COL15A1: variants seen among roughly 807,000 people sequenced by gnomAD.
The protein encoded by COL15A1 is collagen type XV alpha 1 chain.
In COL15A1, 111 loss-of-function variants were observed where a neutral mutation model predicts 165.9. The observed-to-expected ratio is 0.67, with a 90% CI of 0.57 to 0.78. The LOEUF (loss-of-function observed/expected upper bound fraction) is 0.78. Among genes scored for constraint, COL15A1 ranks in the 30% least tolerant of loss-of-function variants. The pLI, the probability that COL15A1 is intolerant of heterozygous loss-of-function variation, is 0.00. For synonymous variants in COL15A1, 659 were observed against 674.8 expected, an observed-to-expected ratio of 0.98 and a Z score of 0.36; for missense variants, 1,745 against 1,789.7, an observed-to-expected ratio of 0.98 and a Z score of 0.45.
intron 16 of COL15A1, among the ~76,000 whole-genome samples, chr9:99,027,679 G>A (rs1839149418): frequency 6.6e-6 from 1 of 152,156 alleles, no homozygotes; most frequent in Admixed American, 6.5e-5. Context: ...GGAGCAGCAG[G>A]CTTGCCTAGG....
Position 99,035,019 on chromosome 9 carries a change from C to G in COL15A1, c.2085C>G (p.Asp695Glu). 1 of 1,613,044 alleles carries G rather than the reference C, an allele frequency of 6.2e-7. No individual in the cohort carries two copies. Among genetic ancestry groups the G allele is most frequent in the Middle Eastern group, 1.7e-4 (1 of 6,060 alleles). The change falls in exon 18 of 42, where the codon GAC becomes GAG. Residue 695 changes from aspartate (D) to glutamate (E), a missense_variant. Transcript: ENST00000375001. ...GPNGSVGEKGDPGNRGLPGPP... is the reference protein window; with the variant it reads ...GPNGSVGEKGEPGNRGLPGPP... ...GCCTGCCCTCTTTCCTACAGGGTGA[C>G]CCTGGCAACAGAGGCTTACCTGGAC... is the stretch of plus-strand genomic sequence containing the variant.
chr9:99,017,992 G>A (rs964706298), intron 11 of COL15A1, among the ~76,000 whole-genome samples: 1 of 152,016 alleles, frequency 6.6e-6, no homozygotes, highest in Non-Finnish European at 1.5e-5. Flanking sequence ...GGAGAGAAGG[G>A]GAATACTGGA....
chr9:99,004,088 G>A (rs992121412), intron 8 of COL15A1, among the ~76,000 whole-genome samples: 10 of 152,188 alleles, frequency 6.6e-5, no homozygotes, highest in African/African-American at 1.9e-4. Context: ...GGGGTCAAGC[G>A]TGAGCCAGGG....
chr9:99,036,505 C>G, intron 21 of COL15A1, 109 bp downstream of exon 21: 3 of 1,128,912 alleles, frequency 2.7e-6, no homozygotes, highest in Non-Finnish European at 3.8e-6. Flanking sequence ...AGGCATGTAG[C>G]CAGTGCCTGG....
intron 9 of COL15A1, among the ~76,000 whole-genome samples, chr9:99,010,487 G>A (rs925048593): frequency 3.5e-4 from 54 of 152,250 alleles, no homozygotes; most frequent in Non-Finnish European, 7.2e-4. Flanking sequence ...GAGAAGGGGA[G>A]TGGAAGAAGG....
At chr9:99,067,371 TATTCATTTTTTA>T (rs1198516108) in intron 40 of COL15A1, among the ~76,000 whole-genome samples, 2 of 152,186 alleles carry the variant, frequency 1.3e-5, no homozygotes, top group African/African-American at 4.8e-5. Flanking sequence ...ACATGAGAGT[TATTCATTTTTTA>T]GTTTGTCAGA....
rs188216015 is a variant in COL15A1 at position 99,060,912 on chromosome 9, C to A, written c.3402+959C>A. ...AAAAGAAAAAACAAAACAACAAAAG[C>A]CCAAGAGCATAAACAATGTTACAAC... On this transcript the variant is annotated intron_variant, in intron 36 of 41. Coordinates refer to ENST00000375001, the MANE Select transcript of COL15A1 (RefSeq NM_001855.5). Among the ~76,000 whole-genome samples, 682 of 152,202 alleles carry A rather than the reference C, an allele frequency of 4.5e-3. 6 individuals are homozygous for A. The highest frequency in any genetic ancestry group is 7.0e-3 in the Non-Finnish European group (475 of 68,012).
chr9:99,014,282 G>A (rs1326103728), intron 9 of COL15A1, among the ~76,000 whole-genome samples: 1 of 152,194 alleles, frequency 6.6e-6, no homozygotes, highest in Non-Finnish European at 1.5e-5. Context: ...CCTAGAAGCA[G>A]GAAAGAATTT....
In COL15A1 at chr9:99,069,727, T is replaced by G. The variant is rs746465926; in HGVS notation, c.4008T>G (p.Asp1336Glu). ...GSSPHGVRLVDNYCEAWRTAD... is the reference protein window; with the variant it reads ...GSSPHGVRLVENYCEAWRTAD... ...GCCCCCATGGCGTCCGCCTTGTGGA[T>G]AACTACTGTGAAGCATGGCGAACCG... The change falls in exon 42 of 42, where the codon GAT (aspartate) becomes GAG (glutamate). Residue 1336 changes from aspartate (D) to glutamate (E), a missense_variant. By Grantham distance (45) the Asp-to-Glu change is conservative. Coordinates refer to ENST00000375001, the MANE Select transcript of COL15A1 (RefSeq NM_001855.5). 67 of 1,613,958 alleles carry G rather than the reference T, an allele frequency of 4.2e-5. No homozygotes were observed. Among genetic ancestry groups the G allele is most frequent in the Non-Finnish European group, 5.7e-5 (67 of 1,179,904 alleles).
In COL15A1 at chr9:99,046,958, C is replaced by T. The variant is rs146624837; in HGVS notation, c.2680-828C>T. The stretch of plus-strand genomic sequence containing the variant: ...AGTTTTTGTTTGTCATTTTTCAGAG[C>T]ATGGCTATGTATGTTTATGGTAGGA... On this transcript the variant is annotated intron_variant, in intron 26 of 41. Transcript: ENST00000375001. 1.8e-4 allele frequency among the ~76,000 whole-genome samples: 27 copies of T among 152,294 alleles called. No individual in the cohort carries two copies. The East Asian group carries it at 4.8e-3, about 27-fold the overall frequency.
intron 2 of COL15A1, among the ~76,000 whole-genome samples, chr9:98,973,011 C>G (rs1352215469): frequency 6.6e-6 from 1 of 152,194 alleles, no homozygotes; most frequent in Non-Finnish European, 1.5e-5. Flanking sequence ...GAGAATGATC[C>G]CTGCGTTGCC....
chr9:99,029,946 A>G (rs1157224609), intron 16 of COL15A1, among the ~76,000 whole-genome samples: 2 of 151,920 alleles, frequency 1.3e-5, no homozygotes, highest in African/African-American at 2.4e-5. Context: ...AAAAAATCAT[A>G]TAGACCATAG....
intron 36 of COL15A1, among the ~76,000 whole-genome samples, chr9:99,060,252 A>AT (rs1267987537): frequency 2.6e-4 from 34 of 132,156 alleles, no homozygotes; most frequent in African/African-American, 1.1e-3. Context: ...ATATATATAT[A>AT]TATATTTTTT....
At position 99,040,504 on chromosome 9, in the gene COL15A1, T is replaced by C; in HGVS notation, c.2476-17T>C. The C allele has an allele frequency of 6.2e-7, 1 of 1,614,132 alleles. No individual in the cohort carries two copies. The highest frequency in any genetic ancestry group is 8.5e-7 in the Non-Finnish European group (1 of 1,180,034). ...GCCGCTCCTAATCCAGCGTGCTCTA[T>C]CTTTGGTGTGTCACAGGGGCCGGAC... On this transcript the variant is annotated splice_polypyrimidine_tract_variant and intron_variant, in intron 22 of 41. Transcript: ENST00000375001.
At chr9:99,022,017 C>T (rs878973796) in intron 12 of COL15A1, 74 bp from the exon 13 acceptor site, 16 of 1,586,772 alleles carry the variant, frequency 1.0e-5, no homozygotes, top group Admixed American at 3.3e-5. Context: ...AAGATGAGCA[C>T]GATTTCTACA....
Position 98,944,165 on chromosome 9 carries a change from G to A in COL15A1, c.15G>A (p.Arg5=). Residue 5 remains arginine (R), a synonymous_variant, in exon 2 of 42, where the codon AGG becomes AGA. Coordinates refer to ENST00000375001, the MANE Select transcript of COL15A1 (RefSeq NM_001855.5). ...CTCCCTCGGGCACATCTTGCAGGAGGAACAACGGGCAGTGCTGGTGTCTGC... is the reference window on the plus strand; with the variant it reads ...CTCCCTCGGGCACATCTTGCAGGAGAAACAACGGGCAGTGCTGGTGTCTGC... MAPR[R]NNGQCWCLLM... 6.2e-7 allele frequency: 1 copy of A among 1,614,104 alleles called. No individual in the cohort carries two copies. Among genetic ancestry groups the A allele is most frequent in the Non-Finnish European group, 8.5e-7 (1 of 1,179,996 alleles).
chr9:99,062,070 C>T lies in COL15A1; in HGVS notation c.3502C>T (p.Arg1168Cys), dbSNP rs138725463. ...YLRDSTEFFI[R>C]VRDGWKKLQL... Reference sequence around the variant, plus strand: ...GAGGGACAGCACTGAGTTTTTCATTCGTGTTAGAGATGGCTGGAAAAAATT... The same window carrying T: ...GAGGGACAGCACTGAGTTTTTCATTTGTGTTAGAGATGGCTGGAAAAAATT... The change falls in exon 37 of 42, where the codon CGT becomes TGT. Residue 1168 changes from arginine (R) to cysteine (C), a missense_variant. Coordinates refer to ENST00000375001, the MANE Select transcript of COL15A1 (RefSeq NM_001855.5). The T allele has an allele frequency of 8.2e-4, 1,322 of 1,614,028 alleles. No homozygotes were observed. The highest frequency in any genetic ancestry group is 1.1e-3 in the Non-Finnish European group (1,254 of 1,179,964).
intron 2 of COL15A1, among the ~76,000 whole-genome samples, chr9:98,958,959 T>C (rs958289161): frequency 1.3e-5 from 2 of 152,124 alleles, no homozygotes; most frequent in African/African-American, 2.4e-5. Flanking sequence ...GTGGTTCCAT[T>C]TGAGACTGTG....
At position 98,989,172 on chromosome 9, in the gene COL15A1, A is replaced by G. The variant is rs1208579683; in HGVS notation, c.724-6A>G. ...CCGGTGTGTGGCACAGTTTGTCTCCACACAGGCATCTGGAGAGACCAGTGG... is the reference window on the plus strand; with the variant it reads ...CCGGTGTGTGGCACAGTTTGTCTCCGCACAGGCATCTGGAGAGACCAGTGG... On this transcript the variant is annotated splice_region_variant and splice_polypyrimidine_tract_variant and intron_variant, in intron 4 of 41. Transcript: ENST00000375001. 1.2e-6 allele frequency: 2 copies of G among 1,613,224 alleles called. No homozygotes were observed. The highest frequency in any genetic ancestry group is 1.7e-5 in the Admixed American group (1 of 60,006).
Sources: gnomAD v4.1 joint callset for allele counts (sites outside exome capture counted in the v4.1 genomes callset) on GRCh38, gnomAD v4.1.1 for gene constraint, MANE v1.5 for transcripts, NCBI Gene and HGNC (gene_info 2026-07-23, HGNC 2026-07-21) for gene names.